The following UBE4B variants were observed in gnomAD, a reference collection of about 807,000 sequenced individuals.
UBE4B encodes ubiquitin conjugation factor E4 B.
In UBE4B, 27 loss-of-function variants were observed where a neutral mutation model predicts 148.1. The ratio of observed to expected loss-of-function variants is 0.18; its 90% CI spans 0.13 to 0.25. The LOEUF (loss-of-function observed/expected upper bound fraction) is 0.25, where lower values mean the gene tolerates loss of function less well. Ranked by LOEUF, UBE4B falls within the 10% of genes least tolerant of loss-of-function variation. The probability of loss-of-function intolerance (pLI) is 1.00; values close to 1 mark genes in which losing one functional copy is unlikely to be tolerated. For missense variants in UBE4B, 1,170 were observed against 1,662.4 expected, an observed-to-expected ratio of 0.70 and a Z score of 5.15; for synonymous variants, 596 against 619.3, an observed-to-expected ratio of 0.96 and a Z score of 0.56.
rs1268697874 is a variant in UBE4B at position 10,095,794 on chromosome 1, CAG to C, written c.347+201_347+202del. ...CTTCATACTTTTGTTGCTGTTGAGACAGAGTTTCACTCTGTCGCCCAGGCTGG... is the reference window on the plus strand; with the variant it reads ...CTTCATACTTTTGTTGCTGTTGAGACAGTTTCACTCTGTCGCCCAGGCTGG... On this transcript the variant is annotated intron_variant, in intron 3 of 27. Coordinates refer to ENST00000343090, the MANE Select transcript of UBE4B (RefSeq NM_001105562.3). 3.9e-5 allele frequency among the ~76,000 whole-genome samples: 6 copies of C among 152,248 alleles called. No individual in the cohort carries two copies. The South Asian group carries it at 6.2e-4, about 16-fold the overall frequency.
rs1248111227 is a variant in UBE4B at position 10,105,799 on chromosome 1, G to GT, written c.809+56dup. The GT allele has an allele frequency of 2.6e-6, 4 of 1,520,484 alleles. No homozygotes were observed. In the African/African-American group the frequency reaches 5.5e-5, roughly 21 times the overall value. 94.2% of individuals were successfully genotyped at this position (1,520,484 alleles called of 1,614,324 possible). ...TGGTAGTAAAATAACTGTGAACTAC[G>GT]TAGGAGAAGGGAATGTTTGTTGACA... On this transcript the variant is annotated intron_variant, in intron 6 of 27. Transcript: ENST00000343090.
chr1:10,117,363 A>C (rs889134057), intron 7 of UBE4B, 96 bp from the exon 8 acceptor site: 35 of 1,531,404 alleles, frequency 2.3e-5, no homozygotes, highest in Non-Finnish European at 3.0e-5. Context: ...TGTTATGTGT[A>C]CAGGGATCCT....
At chr1:10,050,399 G>C (rs1644011026) in intron 1 of UBE4B, among the ~76,000 whole-genome samples, 1 of 152,164 alleles carries the variant, frequency 6.6e-6, no homozygotes, top group African/African-American at 2.4e-5. Flanking sequence ...AGATATATCA[G>C]GCATAGCCAA....
At chr1:10,103,632 G>GTTTTT (rs1186811301) in intron 5 of UBE4B, among the ~76,000 whole-genome samples, 2 of 106,510 alleles carry the variant, frequency 1.9e-5, no homozygotes, top group African/African-American at 3.4e-5. Flanking sequence ...TTTTGTTTTT[G>GTTTTT]TTTTTTTTTT....
At position 10,126,917 on chromosome 1, in the gene UBE4B, G is replaced by A. The variant is rs1259171505; in HGVS notation, c.1638+40G>A. The A allele has an allele frequency of 6.6e-6, 10 of 1,515,546 alleles. No individual in the cohort carries two copies. In the Admixed American group the frequency reaches 1.8e-4, roughly 27 times the overall value. 93.9% of individuals were successfully genotyped at this position (1,515,546 alleles called of 1,614,324 possible). On this transcript the variant is annotated intron_variant, in intron 11 of 27. Coordinates refer to ENST00000343090, the MANE Select transcript of UBE4B (RefSeq NM_001105562.3). ...TTTTTCTTTAACTCATTCAATAGAT[G>A]TTTTTCTTTCAGATTATTTTGACAT...
At chr1:10,138,565 C>A (rs1319031211) in intron 17 of UBE4B, among the ~76,000 whole-genome samples, 2 of 152,156 alleles carry the variant, frequency 1.3e-5, no homozygotes, top group Admixed American at 1.3e-4. Context: ...ATAGTTAACT[C>A]TGCAAATTCT....
chr1:10,148,578 G>A (rs1645917014), intron 19 of UBE4B, among the ~76,000 whole-genome samples: 1 of 150,752 alleles, frequency 6.6e-6, no homozygotes, highest in Admixed American at 6.6e-5. Flanking sequence ...GTTGCAGTGA[G>A]CCGAGATCAC....
At chr1:10,043,485 G>A (rs572722699) in intron 1 of UBE4B, among the ~76,000 whole-genome samples, 1 of 140,568 alleles carries the variant, frequency 7.1e-6, no homozygotes, top group East Asian at 2.1e-4. Flanking sequence ...GGAGTGCAGT[G>A]GCGCGATCTC....
intron 22 of UBE4B, 70 bp downstream of exon 22, chr1:10,158,552 C>A: frequency 6.4e-7 from 1 of 1,568,216 alleles, no homozygotes; most frequent in Non-Finnish European, 8.7e-7. Flanking sequence ...AGCTTAAAAG[C>A]ATGCACAGCT....
chr1:10,106,521 C>T lies in UBE4B; in HGVS notation c.1134C>T (p.Pro378=), dbSNP rs921255355. 1 of 1,609,142 alleles carries T rather than the reference C, an allele frequency of 6.2e-7. No homozygotes were observed. Among genetic ancestry groups the T allele is most frequent in the East Asian group, 2.2e-5 (1 of 44,878 alleles). The change falls in exon 7 of 28, where the codon CCC becomes CCT. Residue 378 remains proline, a synonymous_variant. Coordinates refer to ENST00000343090, the MANE Select transcript of UBE4B (RefSeq NM_001105562.3). The surrounding 1 kb of genome is among the most constrained non-coding windows in gnomAD (Gnocchi z 4.2). ...AGAGGCCCAGCAGCACGGGTCCACC[C>T]CTACCACCCGCCTCACCCAGTGCCA... ...SRQRPSSTGP[P]LPPASPSATS...
Position 10,132,470 on chromosome 1 carries a change from A to G in UBE4B, c.2013A>G (p.Lys671=), listed in dbSNP as rs1293352303. The change falls in exon 15 of 28, where the codon AAA becomes AAG. Residue 671 remains lysine, a synonymous_variant. Transcript: ENST00000343090. ...CTGTCGTCAATGCCAATATGAAGAA[A>G]GCACAGATGCAGGTAGGATTCCTAC... ...MAAVVNANMK[K]AQMQTDDRLV... The G allele has an allele frequency of 1.2e-6, 2 of 1,614,118 alleles. No homozygotes were observed. Among genetic ancestry groups the G allele is most frequent in the Admixed American group, 3.3e-5 (2 of 60,010 alleles).
rs70998351 is a variant in UBE4B, at chr1:10,137,921, C to CTTTTTTTTTTT, written c.2363+737_2363+747dup. Among the ~76,000 whole-genome samples, 38 of 67,034 alleles carry CTTTTTTTTTTT rather than the reference C, an allele frequency of 5.7e-4. 5 individuals carry two copies. Among genetic ancestry groups the CTTTTTTTTTTT allele is most frequent in the African/African-American group, 8.2e-4 (12 of 14,548 alleles). 44.0% of individuals were successfully genotyped at this position (67,034 alleles called of 152,430 possible). ...ACCTTGCTTAAATCACTTACTAATTCTTTTTTTTTTTTTTTTTTTTTTTTT... is the reference window on the plus strand; with the variant it reads ...ACCTTGCTTAAATCACTTACTAATTCTTTTTTTTTTTTTTTTTTTTTTTTTTTTTTTTTTTT... On this transcript the variant is annotated intron_variant, in intron 17 of 27. Coordinates refer to ENST00000343090, the MANE Select transcript of UBE4B (RefSeq NM_001105562.3).
rs764666467 is a variant in UBE4B at position 10,126,745 on chromosome 1, C to G, written c.1555-49C>G. 18 of 1,497,024 alleles carry G rather than the reference C, an allele frequency of 1.2e-5. No homozygotes were observed. In the Admixed American group the frequency reaches 1.7e-4, roughly 14 times the overall value. 92.7% of individuals were successfully genotyped at this position (1,497,024 alleles called of 1,614,324 possible). On this transcript the variant is annotated intron_variant, in intron 10 of 27. Transcript: ENST00000343090. The stretch of plus-strand genomic sequence containing the variant: ...CACCTTATTTGACATACTTCCCACT[C>G]TTAGATTCTCTTAAACTTATATTTC...
intron 1 of UBE4B, among the ~76,000 whole-genome samples, chr1:10,053,884 G>T (rs1366035235): frequency 6.6e-6 from 1 of 151,792 alleles, no homozygotes; most frequent in African/African-American, 2.4e-5. Flanking sequence ...ACAAGGCCTC[G>T]CTATGTTGCC....
rs755897070 is a variant in UBE4B, at chr1:10,033,610, G to T, written c.-61G>T. The T allele has an allele frequency of 2.7e-6, 4 of 1,456,858 alleles. No individual in the cohort carries two copies. The highest frequency in any genetic ancestry group is 3.6e-6 in the Non-Finnish European group (4 of 1,098,254). The allele number at this position is 1,456,858 out of a possible 1,614,324, so 90.2% of individuals were successfully genotyped here. A position where few individuals can be genotyped will look rare whatever the true frequency, so the allele number is the denominator to read the frequency against. Reference sequence around the variant, plus strand: ...GACACCTTCCACTCTCCTTCCTCCCGCCGTGGTCTCGAGAACAGAAGGATC... The same window carrying T: ...GACACCTTCCACTCTCCTTCCTCCCTCCGTGGTCTCGAGAACAGAAGGATC... On this transcript the variant is annotated 5_prime_UTR_variant, in exon 1 of 28. Coordinates refer to ENST00000343090, the MANE Select transcript of UBE4B (RefSeq NM_001105562.3).
At chr1:10,037,314 A>G (rs1175771216) in intron 1 of UBE4B, among the ~76,000 whole-genome samples, 4 of 152,196 alleles carry the variant, frequency 2.6e-5, no homozygotes, top group African/African-American at 4.8e-5. Context: ...GGCATGAGCC[A>G]CTGTGCCCGG....
In UBE4B at chr1:10,102,980, G is replaced by C. The variant is rs1396475092; in HGVS notation, c.468G>C (p.Glu156Asp). Residue 156 changes from glutamate to aspartate, a missense_variant, in exon 5 of 28, where the codon GAG becomes GAC. Physicochemically the swap from Glu to Asp is conservative, Grantham distance 45 (BLOSUM62 2). Coordinates refer to ENST00000343090, the MANE Select transcript of UBE4B (RefSeq NM_001105562.3). ...CCTCGGGCCCTGAAGTGTCTGAAGA[G>C]CAGGCCTTACAGCTGGTCTGTAAGA... ...EPSSGPEVSE[E>D]QALQLVCKIF... The C allele has an allele frequency of 1.9e-6, 3 of 1,613,286 alleles. No individual in the cohort carries two copies. Among genetic ancestry groups the C allele is most frequent in the Non-Finnish European group, 2.5e-6 (3 of 1,179,574 alleles).
intron 25 of UBE4B, 46 bp downstream of exon 25, chr1:10,171,375 G>C (rs1437307745): frequency 6.3e-7 from 1 of 1,591,226 alleles, no homozygotes. Context: ...TGGCAGATTT[G>C]GAGATAATAA....
intron 12 of UBE4B, 55 bp downstream of exon 12, chr1:10,129,503 A>G: frequency 6.4e-7 from 1 of 1,552,538 alleles, no homozygotes; most frequent in Non-Finnish European, 8.9e-7. Context: ...CATAACCCAG[A>G]AGGCATTCCT....
Sources: allele counts gnomAD v4.1 joint callset (sites outside exome capture counted in the v4.1 genomes callset), GRCh38; gene constraint gnomAD v4.1.1; non-coding constraint Gnocchi (gnomAD v3.1); transcripts MANE v1.5; gene names NCBI Gene and HGNC (gene_info 2026-07-23, HGNC 2026-07-21).